The following TPO variants were observed in gnomAD, a reference collection of about 807,000 sequenced individuals.
TPO encodes the protein thyroid microsomal antigen.
In TPO, 78 loss-of-function variants were observed where a neutral mutation model predicts 96.9. The observed-to-expected ratio is 0.81, with a 90% CI of 0.67 to 0.97. The LOEUF is 0.97. Among genes scored for constraint, TPO ranks in the 50% least tolerant of loss-of-function variants. The pLI, the probability that TPO is intolerant of heterozygous loss-of-function variation, is 0.00. For synonymous variants in TPO, 547 were observed against 538.0 expected, an observed-to-expected ratio of 1.02 and a Z score of -0.23; for missense variants, 1,252 against 1,274.8, an observed-to-expected ratio of 0.98 and a Z score of 0.27.
intron 8 of TPO, among the ~76,000 whole-genome samples, chr2:1,480,559 T>TACACAC (rs3036105): frequency 0.043 from 1,919 of 44,318 alleles, 142 homozygotes; most frequent in Middle Eastern, 0.068. Flanking sequence ...TCAAACCCCC[T>TACACAC]ACACACACAC....
At chr2:1,520,059 G>A (rs368051952) in intron 15 of TPO, among the ~76,000 whole-genome samples, 5 of 152,134 alleles carry the variant, frequency 3.3e-5, no homozygotes, top group African/African-American at 9.7e-5. Flanking sequence ...GCCATCACAC[G>A]CTTGAGAACA....
intron 5 of TPO, chr2:1,439,507 A>G (rs1365168544): frequency 6.6e-6 from 1 of 152,146 alleles, no homozygotes; most frequent in East Asian, 1.9e-4. Context: ...AAGCCCACCA[A>G]GACCAAGCTC....
chr2:1,423,111 T>C lies in TPO; in HGVS notation c.161T>C (p.Met54Thr), dbSNP rs756378279. The change falls in exon 3 of 17, where the codon ATG becomes ACG. Residue 54 changes from methionine (M) to threonine (T), a missense_variant. Transcript: ENST00000329066. ...AGCAAGCGCCTGGTGGACACCGCCATGTACGCCACGATGCAGAGGTGAGCC... is the reference window on the plus strand; with the variant it reads ...AGCAAGCGCCTGGTGGACACCGCCACGTACGCCACGATGCAGAGGTGAGCC... ...EESKRLVDTAMYATMQRNLKK... is the reference protein window; with the variant it reads ...EESKRLVDTATYATMQRNLKK... 6.2e-7 allele frequency: 1 copy of C among 1,614,062 alleles called. No individual in the cohort carries two copies. The highest frequency in any genetic ancestry group is 2.2e-5 in the East Asian group (1 of 44,884).
At chr2:1,512,578 T>C (rs959743179) in intron 14 of TPO, 33 of 761,226 alleles carry the variant, frequency 4.3e-5, no homozygotes, top group Non-Finnish European at 5.1e-5. Context: ...GAAGTCAGGG[T>C]CCGCCGCAGA....
intron 1 of TPO, among the ~76,000 whole-genome samples, chr2:1,402,701 A>G (rs553852938): frequency 1.3e-5 from 2 of 152,236 alleles, no homozygotes; most frequent in South Asian, 4.2e-4. Flanking sequence ...ATCTCATGAG[A>G]CTTACTCAGC....
At chr2:1,538,949 C>T (rs1490414604) in intron 15 of TPO, among the ~76,000 whole-genome samples, 11 of 152,156 alleles carry the variant, frequency 7.2e-5, no homozygotes, top group Admixed American at 7.2e-4. Context: ...CAACCTCTCC[C>T]TCTGTCTTTA....
intron 7 of TPO, among the ~76,000 whole-genome samples, chr2:1,463,293 C>T (rs906339021): frequency 6.6e-6 from 1 of 152,074 alleles, no homozygotes; most frequent in East Asian, 1.9e-4. Context: ...ACAGTCACTC[C>T]AGTGAGATGA....
At chr2:1,510,617 C>T (rs1490773607) in intron 14 of TPO, among the ~76,000 whole-genome samples, 3 of 152,114 alleles carry the variant, frequency 2.0e-5, no homozygotes, top group Admixed American at 6.5e-5. Flanking sequence ...TTCCTCCTCC[C>T]GGAGAGCACC....
At chr2:1,472,446 G>A (rs570561657) in intron 7 of TPO, among the ~76,000 whole-genome samples, 1 of 152,268 alleles carries the variant, frequency 6.6e-6, no homozygotes, top group East Asian at 1.9e-4. Flanking sequence ...TCATGCACAA[G>A]CATATTCTCT....
intron 3 of TPO, among the ~76,000 whole-genome samples, chr2:1,431,486 T>C (rs1664972359): frequency 6.6e-6 from 1 of 152,204 alleles, no homozygotes; most frequent in Non-Finnish European, 1.5e-5. Flanking sequence ...GGTTAACAAG[T>C]AAGCTTTTTA....
At chr2:1,510,997 A>G (rs1674048984) in intron 14 of TPO, among the ~76,000 whole-genome samples, 1 of 152,248 alleles carries the variant, frequency 6.6e-6, no homozygotes, top group Non-Finnish European at 1.5e-5. Context: ...AGGCATCGAT[A>G]TAAAAGAATA....
intron 13 of TPO, among the ~76,000 whole-genome samples, chr2:1,499,669 G>A (rs996823799): frequency 2.6e-5 from 4 of 152,030 alleles, no homozygotes; most frequent in South Asian, 2.1e-4. Context: ...CAATCCCTGC[G>A]TCAGAATCCA....
intron 7 of TPO, among the ~76,000 whole-genome samples, chr2:1,462,661 G>A (rs7607582): frequency 0.013 from 2,014 of 152,252 alleles, 50 homozygotes; most frequent in African/African-American, 0.046. Flanking sequence ...TTGCATCCAT[G>A]CATTGCTGTG....
chr2:1,422,136 T>C (rs1178445307), intron 2 of TPO, among the ~76,000 whole-genome samples: 1 of 152,166 alleles, frequency 6.6e-6, no homozygotes, highest in African/African-American at 2.4e-5. Flanking sequence ...AGCACGGAGG[T>C]TTTCTTAACT....
chr2:1,431,237 C>T (rs1271682945), intron 3 of TPO, among the ~76,000 whole-genome samples: 1 of 152,054 alleles, frequency 6.6e-6, no homozygotes, highest in South Asian at 2.1e-4. Context: ...CATGTGAGAC[C>T]TGGTTGTTTT....
At chr2:1,542,066 A>G (rs549779551) in intron 16 of TPO, 1 of 348,058 alleles carries the variant, frequency 2.9e-6, no homozygotes, top group East Asian at 5.8e-5. Flanking sequence ...CTGGGCCCCT[A>G]ATTAGTCTGA....
chr2:1,505,149 C>T (rs925413297), intron 14 of TPO, among the ~76,000 whole-genome samples: 3 of 152,194 alleles, frequency 2.0e-5, no homozygotes, highest in African/African-American at 7.2e-5. Context: ...CGCGGCTGCC[C>T]GGGGCCTTCA....
intron 7 of TPO, among the ~76,000 whole-genome samples, chr2:1,458,152 C>T (rs542681018): frequency 2.1e-5 from 3 of 145,244 alleles, no homozygotes; most frequent in South Asian, 2.2e-4. Flanking sequence ...TATAAGATAG[C>T]GTGTGGACAC....
intron 5 of TPO, chr2:1,438,906 A>G (rs1405036129): frequency 2.8e-6 from 2 of 710,638 alleles, no homozygotes; most frequent in Admixed American, 4.2e-5. Context: ...ATAATGCGAA[A>G]CTGAAGCCAG....
Sources: allele counts gnomAD v4.1 joint callset (sites outside exome capture counted in the v4.1 genomes callset), GRCh38; gene constraint gnomAD v4.1.1; transcripts MANE v1.5; gene names NCBI Gene and HGNC (gene_info 2026-07-23, HGNC 2026-07-21).